The following PRKCE variants were observed in gnomAD, a reference collection of about 807,000 sequenced individuals.
PRKCE encodes the protein protein kinase C epsilon.
In PRKCE, 16 loss-of-function variants were observed where a neutral mutation model predicts 85.4. The ratio of observed to expected loss-of-function variants is 0.19; its 90% CI spans 0.13 to 0.28. PRKCE has a LOEUF of 0.28. Among genes scored for constraint, PRKCE ranks in the 10% least tolerant of loss-of-function variants. PRKCE has a pLI of 1.00. For missense variants in PRKCE, 573 were observed against 975.2 expected (o/e 0.59, Z 5.49); for synonymous variants, 388 against 371.5 (o/e 1.04, Z -0.51).
At chr2:45,654,807 T>C (rs1572863805) in intron 1 of PRKCE, among the ~76,000 whole-genome samples, 1 of 152,082 alleles carries the variant, frequency 6.6e-6, no homozygotes, top group South Asian at 2.1e-4. Flanking sequence ...AGGCTGAAGG[T>C]GGGGACTCAT....
intron 2 of PRKCE, among the ~76,000 whole-genome samples, chr2:45,902,374 G>A (rs1696645360): frequency 6.6e-6 from 1 of 152,182 alleles, no homozygotes; most frequent in Non-Finnish European, 1.5e-5. Context: ...GCCTGCCAAT[G>A]CCCAGCCCAT....
chr2:45,728,555 C>T (rs1053455938), intron 1 of PRKCE, among the ~76,000 whole-genome samples: 7 of 152,112 alleles, frequency 4.6e-5, no homozygotes, highest in African/African-American at 1.2e-4. Context: ...AGTTGTAATG[C>T]CCACGTGCCG....
chr2:45,801,153 G>A (rs1188565466), intron 1 of PRKCE, among the ~76,000 whole-genome samples: 1 of 152,184 alleles, frequency 6.6e-6, no homozygotes, highest in Non-Finnish European at 1.5e-5. Context: ...TGAGAGATGT[G>A]TTGAGAAGAG....
chr2:45,919,352 C>T (rs1698081725), intron 2 of PRKCE, among the ~76,000 whole-genome samples: 1 of 152,168 alleles, frequency 6.6e-6, no homozygotes, highest in African/African-American at 2.4e-5. Flanking sequence ...TGCTTCCTTT[C>T]CAAAACATGT....
intron 11 of PRKCE, among the ~76,000 whole-genome samples, chr2:46,132,170 C>G (rs147181730): frequency 1.7e-3 from 261 of 152,244 alleles, no homozygotes; most frequent in African/African-American, 5.9e-3. Flanking sequence ...TTGGGTTTCC[C>G]AAACACCAAA....
intron 5 of PRKCE, among the ~76,000 whole-genome samples, chr2:45,983,169 A>AG (rs1170382464): frequency 6.6e-6 from 1 of 152,182 alleles, no homozygotes; most frequent in Non-Finnish European, 1.5e-5. Context: ...GATCAGTGAA[A>AG]TCTTGGTCCA....
chr2:45,959,432 T>G (rs1701232945), intron 2 of PRKCE, among the ~76,000 whole-genome samples: 1 of 152,224 alleles, frequency 6.6e-6, no homozygotes, highest in Non-Finnish European at 1.5e-5. Context: ...CTTCAGATTT[T>G]CCATAATAAG....
intron 10 of PRKCE, among the ~76,000 whole-genome samples, chr2:46,030,773 C>G (rs953327743): frequency 9.9e-5 from 15 of 152,214 alleles, no homozygotes; most frequent in South Asian, 2.1e-4. Context: ...TCTAACCCAC[C>G]ATTTGTTTCT....
chr2:45,854,671 G>A (rs780926559), intron 2 of PRKCE, among the ~76,000 whole-genome samples: 1 of 152,184 alleles, frequency 6.6e-6, no homozygotes, highest in Non-Finnish European at 1.5e-5. Flanking sequence ...AAGACTTTCC[G>A]AATACGGGCG....
chr2:45,717,070 C>T (rs1284875529), intron 1 of PRKCE, among the ~76,000 whole-genome samples: 3 of 152,046 alleles, frequency 2.0e-5, no homozygotes, highest in Non-Finnish European at 2.9e-5. Flanking sequence ...GGTGGGGACA[C>T]AGCCAAACCA....
chr2:45,656,393 G>A (rs753576983), intron 1 of PRKCE, among the ~76,000 whole-genome samples: 9 of 152,196 alleles, frequency 5.9e-5, no homozygotes, highest in Admixed American at 1.3e-4. Flanking sequence ...TCTAGAATGC[G>A]TAAAAGCCAA....
intron 6 of PRKCE, among the ~76,000 whole-genome samples, chr2:45,996,561 A>G (rs571439317): frequency 6.6e-6 from 1 of 152,154 alleles, no homozygotes; most frequent in South Asian, 2.1e-4. Context: ...GATTTTGTCA[A>G]ATGCTTTGTC....
chr2:45,849,452 C>T (rs1692067008), intron 2 of PRKCE, among the ~76,000 whole-genome samples: 1 of 152,124 alleles, frequency 6.6e-6, no homozygotes, highest in Admixed American at 6.5e-5. Flanking sequence ...TTCAAAAGTG[C>T]CCCAAAATCA....
intron 2 of PRKCE, among the ~76,000 whole-genome samples, chr2:45,914,864 T>A (rs1303314716): frequency 6.6e-6 from 1 of 152,158 alleles, no homozygotes. Flanking sequence ...TTCTTGGTTT[T>A]CCCACAAAAC....
intron 14 of PRKCE, among the ~76,000 whole-genome samples, chr2:46,171,901 G>C (rs767659096): frequency 2.0e-5 from 3 of 152,206 alleles, no homozygotes; most frequent in Non-Finnish European, 4.4e-5. Context: ...GTTATGAGGA[G>C]TACCAGGAAA....
At chr2:46,135,920 A>G (rs1201430458) in intron 11 of PRKCE, among the ~76,000 whole-genome samples, 2 of 151,518 alleles carry the variant, frequency 1.3e-5, no homozygotes, top group South Asian at 2.1e-4. Flanking sequence ...ATTTGCCACA[A>G]TGTTGATCTG....
Position 45,756,121 on chromosome 2 carries a change from A to G in PRKCE, c.349-86879A>G, listed in dbSNP as rs549598893. On this transcript the variant is annotated intron_variant, in intron 1 of 14. Transcript: ENST00000306156. ...AGGGAAGAGTGGCTACAGAATTCTTAAAACATGATGCTGACTCCAGTCTTT... is the reference window on the plus strand; with the variant it reads ...AGGGAAGAGTGGCTACAGAATTCTTGAAACATGATGCTGACTCCAGTCTTT... Among the ~76,000 whole-genome samples the G allele has an allele frequency of 3.9e-5, 6 of 152,220 alleles. No individual in the cohort carries two copies. In the South Asian group the frequency reaches 1.2e-3, roughly 32 times the overall value.
chr2:45,989,128 G>T (rs984468266), intron 6 of PRKCE, among the ~76,000 whole-genome samples: 1 of 152,218 alleles, frequency 6.6e-6, no homozygotes, highest in African/African-American at 2.4e-5. Flanking sequence ...GGGCCTGCGG[G>T]GGCCTGTGGA....
rs140628592 is a variant in PRKCE at position 45,832,184 on chromosome 2, G to A, written c.349-10816G>A. 2.6e-3 allele frequency among the ~76,000 whole-genome samples: 403 copies of A among 152,300 alleles called. 2 individuals are homozygous for A. The highest frequency in any genetic ancestry group is 6.5e-3 in the Admixed American group (100 of 15,292). ...TATTCCCCAAAGTTGGGCATCCTGC[G>A]TCACATTTGTATGTCATTGTCTGAG... On this transcript the variant is annotated intron_variant, in intron 1 of 14. Coordinates refer to ENST00000306156, the MANE Select transcript of PRKCE (RefSeq NM_005400.3).
Sources: gnomAD v4.1 joint callset for allele counts (sites outside exome capture counted in the v4.1 genomes callset) on GRCh38, gnomAD v4.1.1 for gene constraint, MANE v1.5 for transcripts, NCBI Gene and HGNC (gene_info 2026-07-23, HGNC 2026-07-21) for gene names.